Variants in ARHGAP31 observed in about 807,000 individuals in gnomAD.
ARHGAP31 encodes the protein Rho GTPase activating protein 31.
ARHGAP31 carries 34 observed loss-of-function variants against 113.9 expected under a neutral mutation model. That is an observed-to-expected ratio of 0.30 (90% confidence interval 0.23 to 0.40). ARHGAP31 has a LOEUF of 0.40. ARHGAP31 is among the 10% of genes least tolerant of loss of function. The pLI is 1.00. For missense variants in ARHGAP31, 1,548 were observed against 1,767.1 expected, an observed-to-expected ratio of 0.88 and a Z score of 2.22; for synonymous variants, 650 against 684.8, an observed-to-expected ratio of 0.95 and a Z score of 0.79.
chr3:119,397,573 G>T (rs1027333367), intron 8 of ARHGAP31, among the ~76,000 whole-genome samples: 1 of 152,214 alleles, frequency 6.6e-6, no homozygotes, highest in Non-Finnish European at 1.5e-5. Context: ...GTGAGGAGGT[G>T]AAAGGCAATC....
intron 1 of ARHGAP31, among the ~76,000 whole-genome samples, chr3:119,306,540 G>A (rs1282744200): frequency 6.6e-6 from 1 of 152,170 alleles, no homozygotes; most frequent in Non-Finnish European, 1.5e-5. Context: ...CTGGGGGACG[G>A]TGTGAGACTT....
chr3:119,382,433 A>G, intron 5 of ARHGAP31, 34 bp downstream of exon 5: 3 of 1,589,900 alleles, frequency 1.9e-6, no homozygotes, highest in Non-Finnish European at 2.6e-6. Flanking sequence ...TCACCAGCCC[A>G]GGGGGCTCAG....
intron 1 of ARHGAP31, among the ~76,000 whole-genome samples, chr3:119,361,136 T>C (rs903036072): frequency 3.9e-5 from 6 of 152,174 alleles, no homozygotes; most frequent in African/African-American, 1.4e-4. Context: ...GACTTAACAA[T>C]AGCCACTGCA....
intron 10 of ARHGAP31, among the ~76,000 whole-genome samples, chr3:119,407,376 A>AAAT (rs1263847934): frequency 5.3e-5 from 8 of 150,938 alleles, no homozygotes; most frequent in Non-Finnish European, 1.2e-4. Context: ...AGAAAAAAAA[A>AAAT]ATAAAGAAAA....
intron 6 of ARHGAP31, among the ~76,000 whole-genome samples, chr3:119,386,711 T>G (rs905775840): frequency 3.9e-5 from 6 of 152,118 alleles, no homozygotes; most frequent in African/African-American, 1.4e-4. Context: ...GGCTGCGCTG[T>G]TATTTATTGG....
At chr3:119,413,149 C>T (rs553556097) in intron 11 of ARHGAP31, among the ~76,000 whole-genome samples, 1 of 151,994 alleles carries the variant, frequency 6.6e-6, no homozygotes, top group East Asian at 1.9e-4. Context: ...CACCCCATCT[C>T]TACTAAAAAT....
rs577997790 is a variant in ARHGAP31 at position 119,381,941 on chromosome 3, G to C, written c.432-351G>C. On this transcript the variant is annotated intron_variant, in intron 4 of 11. Transcript: ENST00000264245. Reference sequence around the variant, plus strand: ...GCGGAGCTTGCAGTGAGCTGAGATCGCGCCACTGCACTCCAGCCTGGGCGA... The same window carrying C: ...GCGGAGCTTGCAGTGAGCTGAGATCCCGCCACTGCACTCCAGCCTGGGCGA... Among the ~76,000 whole-genome samples, 346 of 146,772 alleles carry C rather than the reference G, an allele frequency of 2.4e-3. 1 individual carries two copies. The highest frequency in any genetic ancestry group is 3.6e-3 in the Non-Finnish European group (246 of 67,410).
At position 119,294,556 on chromosome 3, in the gene ARHGAP31, G is replaced by GC; in HGVS notation, c.-346dup. On this transcript the variant is annotated 5_prime_UTR_variant, in exon 1 of 12. Coordinates refer to ENST00000264245, the MANE Select transcript of ARHGAP31 (RefSeq NM_020754.4). ...ACTTAGTAAGGGGTGGGGAGAGCTT[G>GC]CCCTCCCTCTTAAGCTGAGGAGAAA... 1 of 483,498 alleles carries GC rather than the reference G, an allele frequency of 2.1e-6. No individual in the cohort carries two copies. Among genetic ancestry groups the GC allele is most frequent in the Non-Finnish European group, 3.6e-6 (1 of 280,882 alleles). 30.0% of individuals were successfully genotyped at this position (483,498 alleles called of 1,614,324 possible).
chr3:119,342,725 G>C lies in ARHGAP31; in HGVS notation c.101-22591G>C, dbSNP rs147007191. Among the ~76,000 whole-genome samples, 1,310 of 152,286 alleles carry C rather than the reference G, an allele frequency of 8.6e-3. 19 individuals are homozygous for C. Among genetic ancestry groups the C allele is most frequent in the African/African-American group, 0.027 (1,137 of 41,544 alleles). ...AGCGCTTGGGGAGGCCAAGGTGGGC[G>C]GATCACCTGAGGTTGGGAGTTCGAG... On this transcript the variant is annotated intron_variant, in intron 1 of 11. Transcript: ENST00000264245.
chr3:119,307,303 G>A (rs958301290), intron 1 of ARHGAP31, among the ~76,000 whole-genome samples: 16 of 152,176 alleles, frequency 1.1e-4, no homozygotes, highest in African/African-American at 3.4e-4. Flanking sequence ...AAAGCAACTA[G>A]TGCACTGTTT....
At chr3:119,366,785 T>C (rs991434922) in intron 2 of ARHGAP31, among the ~76,000 whole-genome samples, 3 of 150,980 alleles carry the variant, frequency 2.0e-5, no homozygotes, top group African/African-American at 4.9e-5. Flanking sequence ...CAAGAGAACA[T>C]AGCATGGCAT....
At chr3:119,323,698 T>C (rs1430689930) in intron 1 of ARHGAP31, among the ~76,000 whole-genome samples, 2 of 152,208 alleles carry the variant, frequency 1.3e-5, no homozygotes, top group East Asian at 1.9e-4. Context: ...GGGCTGTGGC[T>C]GAGCCCTGGG....
chr3:119,323,112 G>A (rs891388397), intron 1 of ARHGAP31, among the ~76,000 whole-genome samples: 2 of 152,220 alleles, frequency 1.3e-5, no homozygotes, highest in African/African-American at 4.8e-5. Context: ...TCCTCCCGCT[G>A]CTCCGCCCAG....
chr3:119,341,940 C>T (rs991625546), intron 1 of ARHGAP31: 1 of 152,030 alleles, frequency 6.6e-6, no homozygotes, highest in African/African-American at 2.4e-5. Flanking sequence ...CAAGTGAGCA[C>T]GCCTCTCACT....
chr3:119,309,765 A>AG (rs2079662694), intron 1 of ARHGAP31, among the ~76,000 whole-genome samples: 2 of 151,716 alleles, frequency 1.3e-5, no homozygotes. Context: ...CTCAAAAAAA[A>AG]CTATCCCCCC....
chr3:119,362,756 G>A lies in ARHGAP31; in HGVS notation c.101-2560G>A, dbSNP rs1456401026. 3.5e-5 allele frequency among the ~76,000 whole-genome samples: 5 copies of A among 142,260 alleles called. No individual in the cohort carries two copies. The East Asian group carries it at 7.1e-4, about 20-fold the overall frequency. The allele number at this position is 142,260 out of a possible 152,430, so 93.3% of individuals were successfully genotyped here. On this transcript the variant is annotated intron_variant, in intron 1 of 11. Coordinates refer to ENST00000264245, the MANE Select transcript of ARHGAP31 (RefSeq NM_020754.4). ...GCACTCCAACCCGAGTGACAAGAGC[G>A]AAACTCTGTCTAAAAAAAAAAAAAA...
At chr3:119,343,236 T>G (rs1047351143) in intron 1 of ARHGAP31, among the ~76,000 whole-genome samples, 1 of 152,132 alleles carries the variant, frequency 6.6e-6, no homozygotes, top group Non-Finnish European at 1.5e-5. Context: ...AAGAGCAGTA[T>G]AGAAAGCTGG....
At chr3:119,394,882 T>C (rs2080534996) in intron 8 of ARHGAP31, among the ~76,000 whole-genome samples, 1 of 152,124 alleles carries the variant, frequency 6.6e-6, no homozygotes, top group African/African-American at 2.4e-5. Context: ...TATTAAGGAA[T>C]TATAAATTTT....
chr3:119,383,366 T>A, intron 6 of ARHGAP31, 140 bp downstream of exon 6: 1 of 1,111,716 alleles, frequency 9.0e-7, no homozygotes, highest in East Asian at 2.4e-5. Flanking sequence ...TGTGTGTCAG[T>A]GTCTGAGGAT....
Sources: gnomAD v4.1 joint callset for allele counts (sites outside exome capture counted in the v4.1 genomes callset) on GRCh38, gnomAD v4.1.1 for gene constraint, MANE v1.5 for transcripts, NCBI Gene and HGNC (gene_info 2026-07-23, HGNC 2026-07-21) for gene names.